The following TENM2 variants were observed in gnomAD, a reference collection of about 807,000 sequenced individuals.
TENM2 encodes teneurin transmembrane protein 2.
TENM2 carries 52 observed loss-of-function variants against 245.2 expected under a neutral mutation model. The ratio of observed to expected loss-of-function variants is 0.21; its 90% CI spans 0.17 to 0.27. TENM2 has a LOEUF of 0.27. Ranked by LOEUF, TENM2 falls within the 10% of genes least tolerant of loss-of-function variation. The pLI is 1.00. For missense variants in TENM2, 3,046 were observed against 3,666.8 expected (o/e 0.83, Z 4.37); for synonymous variants, 1,363 against 1,438.9 (o/e 0.95, Z 1.19).
intron 2 of TENM2, among the ~76,000 whole-genome samples, chr5:167,555,988 C>G (rs908828208): frequency 6.6e-6 from 1 of 151,864 alleles, no homozygotes; most frequent in Non-Finnish European, 1.5e-5. Flanking sequence ...TTGGGGAACC[C>G]CTAATGGTTA....
rs538914042 is a variant in TENM2 at position 167,427,900 on chromosome 5, G to A, written c.502+52427G>A. Among the ~76,000 whole-genome samples, 436 of 122,828 alleles carry A rather than the reference G, an allele frequency of 3.5e-3. 1 individual carries two copies. The highest frequency in any genetic ancestry group is 0.018 in the African/African-American group (411 of 22,924). 80.6% of individuals were successfully genotyped at this position (122,828 alleles called of 152,430 possible). On this transcript the variant is annotated intron_variant, in intron 2 of 28. Transcript: ENST00000518659. The stretch of plus-strand genomic sequence containing the variant: ...GAAGGGAAGGAAGGAAGGACGGAAA[G>A]GAAGGGAAGGAAGGGAAGGAAGGAA...
chr5:168,229,269 T>C (rs1048721089), intron 25 of TENM2, among the ~76,000 whole-genome samples: 2 of 128,284 alleles, frequency 1.6e-5, no homozygotes, highest in Admixed American at 7.7e-5. Flanking sequence ...ATCCCACGTC[T>C]CTCTTTCTGT....
At chr5:167,457,425 C>T (rs571587746) in intron 2 of TENM2, among the ~76,000 whole-genome samples, 18 of 152,052 alleles carry the variant, frequency 1.2e-4, no homozygotes, top group African/African-American at 4.1e-4. Context: ...CTCCACCTCC[C>T]GGGTTCAAGC....
chr5:167,974,933 T>G (rs1022567886), intron 4 of TENM2, among the ~76,000 whole-genome samples: 6 of 152,184 alleles, frequency 3.9e-5, no homozygotes. Flanking sequence ...CATAACCACT[T>G]AATTTCTTGT....
In TENM2 at chr5:168,218,943, C is replaced by T. The variant is rs1177921633; in HGVS notation, c.5052C>T (p.Gly1684=). 1.2e-6 allele frequency: 2 copies of T among 1,613,974 alleles called. No individual in the cohort carries two copies. The highest frequency in any genetic ancestry group is 1.7e-6 in the Non-Finnish European group (2 of 1,179,880). ...AGCTTGGTCTCATGACCTATGATGG[C>T]AACACTGGGCTCCTGGCCACCAAGA... is the stretch of plus-strand genomic sequence containing the variant. Residue 1684 remains glycine (G), a synonymous_variant, in exon 23 of 29, where the codon GGC becomes GGT. Coordinates refer to ENST00000518659, the Ensembl canonical transcript of TENM2. This position sits in a 1 kb window ranked among gnomAD's most constrained non-coding sequence, Gnocchi z 5.2.
At chr5:167,332,901 A>T (rs921827825) in intron 1 of TENM2, among the ~76,000 whole-genome samples, 6 of 152,162 alleles carry the variant, frequency 3.9e-5, no homozygotes, top group African/African-American at 1.4e-4. Context: ...CTGGCTATAG[A>T]GGTTATGGCT....
intron 2 of TENM2, among the ~76,000 whole-genome samples, chr5:167,542,922 T>C (rs1199123744): frequency 6.6e-6 from 1 of 152,162 alleles, no homozygotes; most frequent in Non-Finnish European, 1.5e-5. Context: ...TCTGCTGGAC[T>C]CCCCTGGGAT....
chr5:167,347,834 C>T (rs535843688), intron 1 of TENM2, among the ~76,000 whole-genome samples: 32 of 152,222 alleles, frequency 2.1e-4, no homozygotes, highest in African/African-American at 7.2e-4. Context: ...ATAAATTAGA[C>T]AAGGTACCTT....
At chr5:167,193,992 C>T in the TENM2 span, among the ~76,000 whole-genome samples, 2 of 151,922 alleles carry the variant, frequency 1.3e-5, no homozygotes, top group African/African-American at 4.8e-5. Flanking sequence ...AGATTACTGG[C>T]AAAGTGAGCC....
chr5:167,583,120 G>A (rs960885812), intron 2 of TENM2, among the ~76,000 whole-genome samples: 18 of 152,272 alleles, frequency 1.2e-4, no homozygotes, highest in African/African-American at 2.6e-4. Context: ...GGAGTTGTCC[G>A]TGACTCTTAC....
intron 2 of TENM2, among the ~76,000 whole-genome samples, chr5:167,628,639 T>C (rs1267179932): frequency 2.0e-5 from 3 of 152,186 alleles, no homozygotes; most frequent in Non-Finnish European, 4.4e-5. Context: ...CAAGGTGGTA[T>C]AGAGAATGTG....
chr5:167,385,372 A>T lies in TENM2; in HGVS notation c.502+9899A>T, dbSNP rs141873625. Reference sequence around the variant, plus strand: ...TTTTAATCAGACTTGAAAGAGATCTATTTTTTTTCAAGCTTTCTGCTTGTC... The same window carrying T: ...TTTTAATCAGACTTGAAAGAGATCTTTTTTTTTTCAAGCTTTCTGCTTGTC... On this transcript the variant is annotated intron_variant, in intron 2 of 28. Transcript: ENST00000518659. Among the ~76,000 whole-genome samples, 284 of 140,372 alleles carry T rather than the reference A, an allele frequency of 2.0e-3. 1 individual carries two copies. The highest frequency in any genetic ancestry group is 7.2e-3 in the African/African-American group (272 of 37,636). The allele number at this position is 140,372 out of a possible 152,430, so 92.1% of individuals were successfully genotyped here. A position where few individuals can be genotyped will look rare whatever the true frequency, so the allele number is the denominator to read the frequency against.
At chr5:167,197,138 C>A in the TENM2 span, among the ~76,000 whole-genome samples, 1 of 152,010 alleles carries the variant, frequency 6.6e-6, no homozygotes, top group African/African-American at 2.4e-5. Context: ...TTATTAAAAC[C>A]ATTTCACTAG....
chr5:167,964,128 G>A (rs1444371214), intron 4 of TENM2, among the ~76,000 whole-genome samples: 1 of 152,140 alleles, frequency 6.6e-6, no homozygotes, highest in South Asian at 2.1e-4. Context: ...TGCAATTCTT[G>A]TTCAATATCA....
At chr5:167,726,437 C>G (rs1760012534) in intron 2 of TENM2, among the ~76,000 whole-genome samples, 1 of 152,010 alleles carries the variant, frequency 6.6e-6, no homozygotes, top group Non-Finnish European at 1.5e-5. Context: ...CACCCCTTTC[C>G]TTACCTTCCT....
intron 2 of TENM2, among the ~76,000 whole-genome samples, chr5:167,435,539 A>G (rs1375166011): frequency 3.3e-5 from 5 of 151,940 alleles, no homozygotes; most frequent in African/African-American, 7.3e-5. Context: ...TAAATTACCC[A>G]CTCTGGGGGT....
At chr5:167,154,944 A>T in the TENM2 span, among the ~76,000 whole-genome samples, 7 of 152,358 alleles carry the variant, frequency 4.6e-5, no homozygotes, top group South Asian at 1.4e-3. Context: ...AAAGCATAAA[A>T]GTCGTACATA....
intron 12 of TENM2, among the ~76,000 whole-genome samples, chr5:168,140,248 G>A (rs1037230463): frequency 4.4e-4 from 67 of 152,324 alleles, no homozygotes; most frequent in African/African-American, 1.6e-3. Context: ...GCAAGCCTGT[G>A]AAGCAGGCAG....
chr5:167,301,582 G>C (rs967726569), intron 1 of TENM2, among the ~76,000 whole-genome samples: 5 of 152,154 alleles, frequency 3.3e-5, no homozygotes, highest in African/African-American at 1.2e-4. Context: ...TTAATTTTTG[G>C]AGTTTTATTT....
Sources: gnomAD v4.1 joint callset for allele counts (sites outside exome capture counted in the v4.1 genomes callset) on GRCh38, gnomAD v4.1.1 for gene constraint, Gnocchi (gnomAD v3.1) non-coding constraint, MANE v1.5 for transcripts, NCBI Gene and HGNC (gene_info 2026-07-23, HGNC 2026-07-21) for gene names.